Variants in TIAM2 observed in about 807,000 individuals in gnomAD.
TIAM2 encodes the protein rho guanine nucleotide exchange factor TIAM2.
TIAM2 carries 80 observed loss-of-function variants against 152.9 expected under a neutral mutation model. The observed-to-expected ratio is 0.52, with a 90% confidence interval of 0.44 to 0.63. The LOEUF (loss-of-function observed/expected upper bound fraction) is 0.63, where lower values mean the gene tolerates loss of function less well. Ranked by LOEUF, TIAM2 falls within the 30% of genes least tolerant of loss-of-function variation. The probability of loss-of-function intolerance (pLI) is 0.00; values close to 1 mark genes in which losing one functional copy is unlikely to be tolerated. For synonymous variants in TIAM2, 804 were observed against 838.0 expected, an observed-to-expected ratio of 0.96 and a Z score of 0.70; for missense variants, 1,965 against 2,120.1, an observed-to-expected ratio of 0.93 and a Z score of 1.44.
rs147303349 is a variant in TIAM2 at position 155,148,223 on chromosome 6, G to T, written c.1917G>T (p.Gln639His). The change falls in exon 7 of 27, where the codon CAG becomes CAT. Residue 639 changes from glutamine (Q) to histidine (H), a missense_variant. Transcript: ENST00000682666. Reference protein sequence around the residue: ...KEDTLRLLKNQTKNLLQKIDM... With the variant: ...KEDTLRLLKNHTKNLLQKIDM... ...ACACGCTGCGGCTGCTGAAGAACCA[G>T]ACCAAAAACCTGCTTCAGAAGATAG... 1 of 1,613,102 alleles carries T rather than the reference G, an allele frequency of 6.2e-7. No homozygotes were observed. The highest frequency in any genetic ancestry group is 1.7e-5 in the Admixed American group (1 of 60,014).
intron 1 of TIAM2, among the ~76,000 whole-genome samples, chr6:155,029,484 A>AATATATAGTATATATTATATATAAT (rs1267863950): frequency 7.3e-5 from 1 of 13,778 alleles, no homozygotes; most frequent in Non-Finnish European, 1.4e-4. Flanking sequence ...TAGTATATAT[A>AATATATAGTATATATTATATATAAT]CTATAGTATA....
intron 13 of TIAM2, 69 bp downstream of exon 13, chr6:155,182,387 A>G: frequency 7.7e-7 from 1 of 1,297,988 alleles, no homozygotes; most frequent in Non-Finnish European, 1.1e-6. Flanking sequence ...TGGCTAGTGA[A>G]TGTTTCTTCT....
chr6:155,003,140 T>C (rs986093032), intron 1 of TIAM2, among the ~76,000 whole-genome samples: 2 of 152,176 alleles, frequency 1.3e-5, no homozygotes, highest in Non-Finnish European at 2.9e-5. Flanking sequence ...AGAGACCCTT[T>C]GCCAAATATT....
chr6:155,164,597 T>A lies in TIAM2; in HGVS notation c.2211T>A (p.Ala737=). The change falls in exon 8 of 27, where the codon GCT becomes GCA. Residue 737 remains alanine (A), a synonymous_variant. Coordinates refer to ENST00000682666, the MANE Select transcript of TIAM2 (RefSeq NM_012454.4). ...TCTTGTCTGTTTCCTCTTTCCATGCTCTGGTAAGTTCCTGAGGAAGGCTGT... is the reference window on the plus strand; with the variant it reads ...TCTTGTCTGTTTCCTCTTTCCATGCACTGGTAAGTTCCTGAGGAAGGCTGT... The part of the protein sequence containing the change: ...LGILSVSSFH[A]LVCSRDDSAL... The A allele has an allele frequency of 6.2e-7, 1 of 1,608,802 alleles. No homozygotes were observed.
chr6:155,189,452 G>T (rs1781135696), intron 14 of TIAM2, among the ~76,000 whole-genome samples: 1 of 152,048 alleles, frequency 6.6e-6, no homozygotes, highest in African/African-American at 2.4e-5. Flanking sequence ...TGTCTGTGCT[G>T]AAGATCGGTT....
At chr6:155,253,176 T>G in intron 24 of TIAM2, 123 bp downstream of exon 24, 1 of 795,042 alleles carries the variant, frequency 1.3e-6, no homozygotes, top group Non-Finnish European at 2.0e-6. Flanking sequence ...ACAAGGAAAA[T>G]GAGGACAAGA....
rs554148934 is a variant in TIAM2, at chr6:155,186,135, A to T, written c.3064+2635A>T. ...TCTCTCATTCATATGCAACATCTGA[A>T]TGACAAGAGAAGCCTGTGTTTGTGG... On this transcript the variant is annotated intron_variant, in intron 14 of 26. Coordinates refer to ENST00000682666, the MANE Select transcript of TIAM2 (RefSeq NM_012454.4). This position sits in a 1 kb window ranked among gnomAD's most constrained non-coding sequence, Gnocchi z 4.5. 6.6e-6 allele frequency among the ~76,000 whole-genome samples: 1 copy of T among 152,344 alleles called. No homozygotes were observed. The highest frequency in any genetic ancestry group is 2.1e-4 in the South Asian group (1 of 4,826).
At chr6:155,058,796 A>G (rs1777505965) in intron 1 of TIAM2, among the ~76,000 whole-genome samples, 1 of 152,176 alleles carries the variant, frequency 6.6e-6, no homozygotes, top group African/African-American at 2.4e-5. Flanking sequence ...GTCTCAATAG[A>G]TAATTATGTT....
chr6:155,048,044 C>A (rs901509542), intron 1 of TIAM2, among the ~76,000 whole-genome samples: 1 of 152,080 alleles, frequency 6.6e-6, no homozygotes, highest in African/African-American at 2.4e-5. Flanking sequence ...CCTCTACTTC[C>A]TGGGTTCAAG....
At chr6:155,191,610 G>A (rs1194644529) in intron 14 of TIAM2, among the ~76,000 whole-genome samples, 1 of 152,112 alleles carries the variant, frequency 6.6e-6, no homozygotes, top group East Asian at 1.9e-4. Flanking sequence ...TGTGCAACAT[G>A]GTGAAACCCT....
At chr6:155,111,307 ACACAC>A (rs1778842123) in intron 2 of TIAM2, among the ~76,000 whole-genome samples, 3 of 80,524 alleles carry the variant, frequency 3.7e-5, no homozygotes, top group South Asian at 6.1e-4. Flanking sequence ...ATACACACAC[ACACAC>A]ACACACACAC....
At chr6:155,242,530 G>A (rs953866798) in intron 16 of TIAM2, among the ~76,000 whole-genome samples, 8 of 152,180 alleles carry the variant, frequency 5.3e-5, no homozygotes, top group African/African-American at 1.9e-4. Flanking sequence ...CTTGCCTTTT[G>A]CTCTCTGAAC....
chr6:155,242,549 GA>G (rs940394542), intron 16 of TIAM2, among the ~76,000 whole-genome samples: 20 of 152,342 alleles, frequency 1.3e-4, no homozygotes, highest in Middle Eastern at 6.8e-3. Context: ...ACTAAGGCCA[GA>G]AAGTTCTGGG....
chr6:155,184,885 C>T (rs1208964266), intron 14 of TIAM2, among the ~76,000 whole-genome samples: 2 of 152,038 alleles, frequency 1.3e-5, no homozygotes, highest in Non-Finnish European at 2.9e-5. Context: ...TTATTAATTA[C>T]TTGGGTATAT....
chr6:155,137,316 C>A lies in TIAM2; in HGVS notation c.1334C>A (p.Ser445Tyr). The A allele has an allele frequency of 6.2e-7, 1 of 1,614,200 alleles. No individual in the cohort carries two copies. Among genetic ancestry groups the A allele is most frequent in the East Asian group, 2.2e-5 (1 of 44,876 alleles). ...CAGATCCTGTCTCAGAGAAGTGAAT[C>A]CACACATGCGATTGGCAGCGATCCC... ...STQILSQRSE[S>Y]THAIGSDPLR... Residue 445 changes from serine to tyrosine, a missense_variant, in exon 5 of 27, where the codon TCC (serine) becomes TAC (tyrosine). Transcript: ENST00000682666.
At chr6:155,021,399 T>C (rs924491312) in intron 1 of TIAM2, among the ~76,000 whole-genome samples, 1 of 152,020 alleles carries the variant, frequency 6.6e-6, no homozygotes, top group Admixed American at 6.6e-5. Flanking sequence ...GTAGCTGGGA[T>C]TGCAGACGCC....
intron 6 of TIAM2, among the ~76,000 whole-genome samples, chr6:155,145,798 T>C (rs1349091542): frequency 6.6e-6 from 1 of 152,118 alleles, no homozygotes; most frequent in Non-Finnish European, 1.5e-5. Context: ...TCAGAAGTGC[T>C]CCCTCACTTA....
intron 26 of TIAM2, chr6:155,254,792 C>A: frequency 1.8e-6 from 1 of 547,128 alleles, no homozygotes; most frequent in Non-Finnish European, 3.2e-6. Flanking sequence ...TACCCGCTGA[C>A]ATAGTCCAAA....
intron 15 of TIAM2, among the ~76,000 whole-genome samples, chr6:155,230,831 A>G (rs569422995): frequency 1.4e-5 from 2 of 147,780 alleles, no homozygotes; most frequent in South Asian, 4.4e-4. Flanking sequence ...AAAATGGCAG[A>G]GCTACTTTTT....
Sources: gnomAD v4.1 joint callset for allele counts (sites outside exome capture counted in the v4.1 genomes callset) on GRCh38, gnomAD v4.1.1 for gene constraint, Gnocchi (gnomAD v3.1) non-coding constraint, MANE v1.5 for transcripts, NCBI Gene and HGNC (gene_info 2026-07-23, HGNC 2026-07-21) for gene names.